GABRA3: variants seen among roughly 807,000 people sequenced by gnomAD.
GABRA3 encodes the protein gamma-aminobutyric acid receptor subunit alpha-3.
Under a neutral mutation model 30.1 loss-of-function variants are expected in GABRA3, and 10 were observed. That is an observed-to-expected ratio of 0.33 (90% confidence interval 0.20 to 0.56). The LOEUF is 0.56. GABRA3 is among the 20% of genes least tolerant of loss of function. The pLI is 0.89. For missense variants in GABRA3, 233 were observed against 392.0 expected (o/e 0.59, Z 3.42); for synonymous variants, 151 against 146.8 (o/e 1.03, Z -0.21).
chrX:152,172,941 C>T (rs1189318148), intron 9 of GABRA3, among the ~76,000 whole-genome samples: 1 of 98,172 alleles, frequency 1.0e-5, no homozygotes, highest in African/African-American at 3.8e-5. Flanking sequence ...TATATATTTA[C>T]GAGTATGTGT....
chrX:152,404,268 A>G lies in GABRA3; in HGVS notation c.-26-39672T>C, dbSNP rs776195905. On this transcript the variant is annotated intron_variant, in intron 1 of 9. Coordinates refer to ENST00000370314, the MANE Select transcript of GABRA3 (RefSeq NM_000808.4). ...CAAACCACAGCAGAAAATTATAAAA[A>G]GTTGCATATAAGTGGAAAGGAAAAG... Among the ~76,000 whole-genome samples the G allele has an allele frequency of 4.5e-5, 5 of 111,638 alleles. No homozygotes were observed. The East Asian group carries it at 1.1e-3, about 25-fold the overall frequency.
At chrX:152,410,967 G>A (rs945400788) in intron 1 of GABRA3, among the ~76,000 whole-genome samples, 7 of 111,434 alleles carry the variant, frequency 6.3e-5, no homozygotes, top group Admixed American at 1.9e-4. Flanking sequence ...GAAACCAGGC[G>A]AAAAATGTCT....
chrX:152,200,996 C>T (rs1360359083), intron 7 of GABRA3, among the ~76,000 whole-genome samples: 2 of 111,948 alleles, frequency 1.8e-5, no homozygotes, highest in Non-Finnish European at 3.8e-5. Flanking sequence ...GGTTTCTGTC[C>T]TTGTATTGGA....
intron 3 of GABRA3, among the ~76,000 whole-genome samples, chrX:152,312,575 G>A (rs182997891): frequency 7.3e-4 from 82 of 111,847 alleles, no homozygotes; most frequent in African/African-American, 2.5e-3. Context: ...ATAGGACCTG[G>A]CAAATATTTC....
intron 1 of GABRA3, among the ~76,000 whole-genome samples, chrX:152,385,187 T>C (rs1032120935): frequency 9.0e-6 from 1 of 111,682 alleles, no homozygotes; most frequent in Non-Finnish European, 1.9e-5. Flanking sequence ...TACAAACTCT[T>C]TGGAGAAAAG....
chrX:152,235,436 C>T (rs1938180336), intron 5 of GABRA3, among the ~76,000 whole-genome samples: 1 of 111,115 alleles, frequency 9.0e-6, no homozygotes, highest in Admixed American at 9.7e-5. Context: ...GAAAGGAAGA[C>T]ATTAAATTGT....
At chrX:152,419,638 A>AACTT (rs1314573123) in intron 1 of GABRA3, among the ~76,000 whole-genome samples, 3 of 111,923 alleles carry the variant, frequency 2.7e-5, no homozygotes, top group African/African-American at 9.7e-5. Flanking sequence ...CCCCAAAGAA[A>AACTT]ACTTGAGTCC....
chrX:152,238,208 GT>G (rs1938270471), intron 5 of GABRA3, among the ~76,000 whole-genome samples: 1 of 102,534 alleles, frequency 9.8e-6, no homozygotes, highest in Admixed American at 1.0e-4. Flanking sequence ...ATGAAGGGTT[GT>G]TGAATTTTGT....
chrX:152,408,942 C>T (rs1162249021), intron 1 of GABRA3, among the ~76,000 whole-genome samples: 1 of 111,801 alleles, frequency 8.9e-6, no homozygotes, highest in African/African-American at 3.2e-5. Context: ...TCATTTTTGA[C>T]AAAGATGACA....
intron 4 of GABRA3, among the ~76,000 whole-genome samples, chrX:152,269,015 A>G (rs193135573): frequency 4.6e-4 from 52 of 112,507 alleles, no homozygotes; most frequent in African/African-American, 1.6e-3. Context: ...GATACATGAT[A>G]TAAATTCTAT....
chrX:152,223,888 T>A (rs1028861790), intron 6 of GABRA3, among the ~76,000 whole-genome samples: 10 of 110,795 alleles, frequency 9.0e-5, no homozygotes, highest in Admixed American at 4.9e-4. Flanking sequence ...ATTTTATCTT[T>A]CACTGCCACT....
intron 1 of GABRA3, among the ~76,000 whole-genome samples, chrX:152,413,896 TA>T (rs1419560308): frequency 3.8e-5 from 4 of 104,248 alleles, no homozygotes; most frequent in African/African-American, 6.9e-5. Flanking sequence ...TCCCGAGGAA[TA>T]AAAAAAAAAT....
intron 4 of GABRA3, among the ~76,000 whole-genome samples, chrX:152,269,903 T>A (rs1362864851): frequency 8.9e-6 from 1 of 111,968 alleles, no homozygotes; most frequent in East Asian, 2.8e-4. Context: ...GAAGAAAACA[T>A]TGCGGAAATG....
intron 5 of GABRA3, among the ~76,000 whole-genome samples, chrX:152,233,276 G>A (rs937706019): frequency 2.7e-5 from 3 of 110,764 alleles, no homozygotes; most frequent in African/African-American, 9.8e-5. Flanking sequence ...CACTCTGATG[G>A]TAGTTTCTTT....
intron 6 of GABRA3, among the ~76,000 whole-genome samples, chrX:152,214,188 G>A (rs1472740464): frequency 1.8e-5 from 2 of 111,520 alleles, no homozygotes. Context: ...TCGAGTTTAT[G>A]AGCTATATCA....
At chrX:152,278,975 A>C (rs2124434923) in intron 4 of GABRA3, among the ~76,000 whole-genome samples, 1 of 110,847 alleles carries the variant, frequency 9.0e-6, no homozygotes, top group South Asian at 3.8e-4. Context: ...TTTTCTTGTA[A>C]ATTTGTTTGA....
intron 3 of GABRA3, among the ~76,000 whole-genome samples, chrX:152,290,455 C>G (rs1186803593): frequency 9.0e-6 from 1 of 111,628 alleles, no homozygotes; most frequent in Non-Finnish European, 1.9e-5. Context: ...TTCTCCCATT[C>G]TGTAGGTTGC....
chrX:152,361,933 C>T (rs917450554), intron 2 of GABRA3, among the ~76,000 whole-genome samples: 3 of 111,967 alleles, frequency 2.7e-5, no homozygotes, highest in African/African-American at 9.7e-5. Context: ...ACACTTGAAG[C>T]GGTAAGGTTA....
At chrX:152,393,458 G>T in intron 1 of GABRA3, 1 of 378,532 alleles carries the variant, frequency 2.6e-6, no homozygotes, top group Non-Finnish European at 5.3e-6. Context: ...GAAACCATGG[G>T]GTATGAGCAG....
Sources: gnomAD v4.1 joint callset for allele counts (sites outside exome capture counted in the v4.1 genomes callset) on GRCh38, gnomAD v4.1.1 for gene constraint, MANE v1.5 for transcripts, NCBI Gene and HGNC (gene_info 2026-07-23, HGNC 2026-07-21) for gene names.